Variants in MAGI2 observed in about 807,000 individuals in gnomAD.
MAGI2 encodes membrane-associated guanylate kinase, WW and PDZ domain-containing protein 2.
A neutral mutation model predicts 133.3 loss-of-function variants in MAGI2; 35 were observed. That is an observed-to-expected ratio of 0.26 (90% CI 0.20 to 0.35). MAGI2 has a LOEUF of 0.35. Among genes scored for constraint, MAGI2 ranks in the 10% least tolerant of loss-of-function variants. The probability of loss-of-function intolerance (pLI) is 1.00; values close to 1 mark genes in which losing one functional copy is unlikely to be tolerated. For synonymous variants in MAGI2, 729 were observed against 710.6 expected (o/e 1.03, Z -0.41); for missense variants, 1,636 against 1,863.4 (o/e 0.88, Z 2.25).
intron 6 of MAGI2, among the ~76,000 whole-genome samples, chr7:78,475,539 G>T (rs1370613655): frequency 1.3e-5 from 2 of 151,882 alleles, no homozygotes; most frequent in Non-Finnish European, 2.9e-5. Context: ...TGAAAGGAAA[G>T]GTAATATAAC....
intron 21 of MAGI2, among the ~76,000 whole-genome samples, chr7:78,050,610 G>T (rs758295507): frequency 6.6e-6 from 1 of 152,178 alleles, no homozygotes; most frequent in Non-Finnish European, 1.5e-5. Flanking sequence ...GAATTGAAAC[G>T]TTTGTTTCTC....
intron 2 of MAGI2, among the ~76,000 whole-genome samples, chr7:78,787,265 A>C (rs944363615): frequency 1.3e-5 from 2 of 152,184 alleles, no homozygotes; most frequent in Non-Finnish European, 2.9e-5. Flanking sequence ...TTCTAACTAC[A>C]AGATGGAAAG....
At chr7:79,124,465 GAA>G (rs1248153201) in intron 1 of MAGI2, among the ~76,000 whole-genome samples, 2 of 152,134 alleles carry the variant, frequency 1.3e-5, no homozygotes, top group Non-Finnish European at 2.9e-5. Flanking sequence ...GCCAGAAGAG[GAA>G]AACAGGACTT....
chr7:78,929,485 G>T (rs1357950024), intron 2 of MAGI2, among the ~76,000 whole-genome samples: 1 of 152,022 alleles, frequency 6.6e-6, no homozygotes, highest in Non-Finnish European at 1.5e-5. Flanking sequence ...CCTGGTTAAA[G>T]TCAAACGTCA....
chr7:78,404,500 T>A (rs149689940), intron 6 of MAGI2, among the ~76,000 whole-genome samples: 2 of 152,050 alleles, frequency 1.3e-5, no homozygotes, highest in African/African-American at 4.8e-5. Context: ...AACAGAGCCC[T>A]CAGAAATAAT....
intron 1 of MAGI2, among the ~76,000 whole-genome samples, chr7:79,263,776 CT>C (rs1834244992): frequency 6.6e-6 from 1 of 151,994 alleles, no homozygotes. Flanking sequence ...ATACTAAAGA[CT>C]TATTATATCT....
intron 2 of MAGI2, among the ~76,000 whole-genome samples, chr7:78,858,079 C>G (rs944736782): frequency 7.9e-5 from 12 of 152,170 alleles, no homozygotes; most frequent in Admixed American, 7.9e-4. Flanking sequence ...GTTTGTATTT[C>G]TTTGGATCAG....
rs201694375 is a variant in MAGI2, at chr7:79,146,791, T to C, written c.302-139585A>G. On this transcript the variant is annotated intron_variant, in intron 1 of 21. Transcript: ENST00000354212. The stretch of plus-strand genomic sequence containing the variant: ...TTTTTAAATTACCCAGTCTTAGGTG[T>C]GCCTTTATTGGCAGTGTGAGAACAG... 9.2e-5 allele frequency among the ~76,000 whole-genome samples: 14 copies of C among 152,342 alleles called. No individual in the cohort carries two copies. In the East Asian group the frequency reaches 2.7e-3, roughly 29 times the overall value.
intron 3 of MAGI2, among the ~76,000 whole-genome samples, chr7:78,594,821 C>T (rs1330294059): frequency 6.6e-6 from 1 of 152,082 alleles, no homozygotes; most frequent in Admixed American, 6.6e-5. Context: ...TAAAGGAGCT[C>T]CCCAAACCTC....
intron 1 of MAGI2, among the ~76,000 whole-genome samples, chr7:79,305,432 G>A (rs573199808): frequency 6.6e-6 from 1 of 152,162 alleles, no homozygotes; most frequent in South Asian, 2.1e-4. Flanking sequence ...GACTAATGAA[G>A]ATCCCAAAGG....
chr7:78,566,302 A>G (rs1800935285), intron 3 of MAGI2, among the ~76,000 whole-genome samples: 1 of 152,186 alleles, frequency 6.6e-6, no homozygotes, highest in Non-Finnish European at 1.5e-5. Context: ...CAGATCCTGA[A>G]CGGTGGAAGG....
chr7:79,416,347 G>A (rs898687964), intron 1 of MAGI2, among the ~76,000 whole-genome samples: 1 of 151,970 alleles, frequency 6.6e-6, no homozygotes, highest in Non-Finnish European at 1.5e-5. Flanking sequence ...AGGAGGGAGA[G>A]AAGGTAGGAA....
intron 9 of MAGI2, among the ~76,000 whole-genome samples, chr7:78,292,690 A>G (rs1309020956): frequency 6.6e-6 from 1 of 152,202 alleles, no homozygotes; most frequent in African/African-American, 2.4e-5. Context: ...ACTATTTTAC[A>G]AGGCTACAGT....
chr7:78,975,485 G>A (rs924475991), intron 2 of MAGI2, among the ~76,000 whole-genome samples: 4 of 151,630 alleles, frequency 2.6e-5, no homozygotes, highest in African/African-American at 9.7e-5. Context: ...AAATGGGAAT[G>A]AAAATATAAT....
chr7:79,161,913 T>A (rs1824397664), intron 1 of MAGI2, among the ~76,000 whole-genome samples: 1 of 152,124 alleles, frequency 6.6e-6, no homozygotes, highest in South Asian at 2.1e-4. Context: ...TATTTTTAAA[T>A]AAAGTTCCAG....
intron 2 of MAGI2, among the ~76,000 whole-genome samples, chr7:78,945,640 T>A (rs574972285): frequency 5.9e-5 from 9 of 152,320 alleles, no homozygotes; most frequent in Non-Finnish European, 8.8e-5. Flanking sequence ...AACAAGGCCC[T>A]TTGTGATCTA....
intron 1 of MAGI2, among the ~76,000 whole-genome samples, chr7:79,182,727 A>C (rs550651690): frequency 6.6e-6 from 1 of 152,068 alleles, no homozygotes; most frequent in Admixed American, 6.5e-5. Context: ...TAGATACCCA[A>C]ACTCCCATGT....
chr7:78,263,364 G>A (rs1447520138), intron 9 of MAGI2, among the ~76,000 whole-genome samples: 1 of 152,084 alleles, frequency 6.6e-6, no homozygotes, highest in Non-Finnish European at 1.5e-5. Flanking sequence ...CTTTTCAACT[G>A]GTTCCTTGCT....
At chr7:78,206,174 T>G (rs972779585) in intron 10 of MAGI2, among the ~76,000 whole-genome samples, 5 of 152,328 alleles carry the variant, frequency 3.3e-5, no homozygotes, top group South Asian at 2.1e-4. Flanking sequence ...ATTATGAACT[T>G]TCTTAAAATC....
Sources: allele counts gnomAD v4.1 joint callset (sites outside exome capture counted in the v4.1 genomes callset), GRCh38; gene constraint gnomAD v4.1.1; transcripts MANE v1.5; gene names NCBI Gene and HGNC (gene_info 2026-07-23, HGNC 2026-07-21).